Variants in CDH13 observed in about 807,000 individuals in gnomAD.
CDH13 encodes the protein cadherin-13.
CDH13 carries 24 observed loss-of-function variants against 63.8 expected under a neutral mutation model. The ratio of observed to expected loss-of-function variants is 0.38; its 90% CI spans 0.27 to 0.53. The LOEUF is 0.53. Among genes scored for constraint, CDH13 ranks in the 20% least tolerant of loss-of-function variants. CDH13 has a pLI of 0.85. For missense variants in CDH13, 1,049 were observed against 903.1 expected (o/e 1.16, Z -2.07); for synonymous variants, 503 against 355.3 (o/e 1.42, Z -4.67).
intron 1 of CDH13, chr16:82,637,892 C>A (rs1002886137): frequency 7.9e-5 from 12 of 152,186 alleles, no homozygotes; most frequent in African/African-American, 2.4e-4. Flanking sequence ...ATTTATTGAG[C>A]ATTTAGGGAA....
At chr16:82,992,998 A>C (rs571568678) in intron 2 of CDH13, among the ~76,000 whole-genome samples, 2 of 152,276 alleles carry the variant, frequency 1.3e-5, no homozygotes, top group East Asian at 1.9e-4. Flanking sequence ...GGCTGAAGCA[A>C]AGTCTTCCTT....
At chr16:83,162,450 C>G (rs574203964) in intron 4 of CDH13, among the ~76,000 whole-genome samples, 11 of 152,224 alleles carry the variant, frequency 7.2e-5, no homozygotes, top group Admixed American at 5.2e-4. Context: ...GTGGTTTACC[C>G]AAGAATACGT....
intron 4 of CDH13, among the ~76,000 whole-genome samples, chr16:83,166,511 T>C (rs543076699): frequency 2.1e-4 from 32 of 152,206 alleles, no homozygotes; most frequent in African/African-American, 7.2e-4. Context: ...CTCAGAAACA[T>C]ATGAACTTCA....
chr16:82,705,368 C>A (rs533548075), intron 1 of CDH13: 1 of 323,410 alleles, frequency 3.1e-6, no homozygotes, highest in Non-Finnish European at 6.0e-6. Context: ...GAATTCAATA[C>A]GCTAATACAG....
At chr16:83,700,049 C>T (rs1053982065) in intron 10 of CDH13, among the ~76,000 whole-genome samples, 2 of 152,222 alleles carry the variant, frequency 1.3e-5, no homozygotes, top group Non-Finnish European at 2.9e-5. Context: ...TCAGAAACGT[C>T]CTGGACTCCT....
intron 1 of CDH13, among the ~76,000 whole-genome samples, chr16:82,820,626 A>C (rs1402968750): frequency 1.3e-5 from 2 of 152,208 alleles, no homozygotes; most frequent in African/African-American, 4.8e-5. Context: ...TATCTGCTAC[A>C]TGACAGGTCT....
chr16:83,320,396 G>A (rs567120878), intron 5 of CDH13, among the ~76,000 whole-genome samples: 6 of 152,198 alleles, frequency 3.9e-5, no homozygotes, highest in Admixed American at 3.9e-4. Context: ...ATTGTCCCAA[G>A]ACCAATCTAG....
chr16:82,734,994 G>A (rs180771148), intron 1 of CDH13, among the ~76,000 whole-genome samples: 1 of 152,274 alleles, frequency 6.6e-6, no homozygotes, highest in African/African-American at 2.4e-5. Flanking sequence ...AGACTAATTA[G>A]GAGGCTACTC....
intron 4 of CDH13, among the ~76,000 whole-genome samples, chr16:83,126,482 G>A (rs2035817591): frequency 6.6e-6 from 1 of 152,170 alleles, no homozygotes; most frequent in Non-Finnish European, 1.5e-5. Flanking sequence ...GTTTCATTGG[G>A]AAGAGCTGTT....
chr16:82,916,988 C>G (rs888606790), intron 2 of CDH13, among the ~76,000 whole-genome samples: 2 of 152,188 alleles, frequency 1.3e-5, no homozygotes, highest in South Asian at 4.1e-4. Context: ...CGCATCCACA[C>G]TCACACAGCT....
intron 4 of CDH13, among the ~76,000 whole-genome samples, chr16:83,172,476 G>C (rs893467159): frequency 6.6e-6 from 1 of 151,840 alleles, no homozygotes; most frequent in Non-Finnish European, 1.5e-5. Context: ...AGGTGACAGA[G>C]AGACTCTGTC....
chr16:83,131,680 A>G (rs2036058804), intron 4 of CDH13, among the ~76,000 whole-genome samples: 1 of 152,192 alleles, frequency 6.6e-6, no homozygotes, highest in South Asian at 2.1e-4. Flanking sequence ...AGTTTGAAAG[A>G]CAAGTCATTT....
At position 83,491,834 on chromosome 16, in the gene CDH13, GTAACGCACTTTCTGAAACTTTA is replaced by G. The variant is rs200619932; in HGVS notation, c.960+5183_960+5204del. ...GTAATTTGTTTTGTATTTTCAGCTG[GTAACGCACTTTCTGAAACTTTA>G]TAATGCCCAAATTTTTAGGCCAGAT... On this transcript the variant is annotated intron_variant, in intron 7 of 13. Transcript: ENST00000567109. 4.3e-4 allele frequency among the ~76,000 whole-genome samples: 66 copies of G among 152,226 alleles called. No individual in the cohort carries two copies. The East Asian group carries it at 0.011, about 25-fold the overall frequency.
At chr16:82,851,454 A>G (rs2039482974) in intron 1 of CDH13, among the ~76,000 whole-genome samples, 1 of 151,204 alleles carries the variant, frequency 6.6e-6, no homozygotes, top group African/African-American at 2.4e-5. Flanking sequence ...ATAAAAAGAA[A>G]AAGAAAAAGA....
chr16:83,298,629 G>A (rs2089659501), intron 5 of CDH13, among the ~76,000 whole-genome samples: 1 of 152,148 alleles, frequency 6.6e-6, no homozygotes, highest in African/African-American at 2.4e-5. Flanking sequence ...AACAAGTATA[G>A]GCTAATTTGA....
intron 1 of CDH13, among the ~76,000 whole-genome samples, chr16:82,775,764 G>A (rs1446420228): frequency 1.3e-5 from 2 of 152,132 alleles, no homozygotes; most frequent in Non-Finnish European, 2.9e-5. Context: ...ACAGGGCCAG[G>A]CACAGTGTAC....
intron 1 of CDH13, among the ~76,000 whole-genome samples, chr16:82,718,000 CTGTTTTAGT>C (rs1469620232): frequency 6.6e-6 from 1 of 152,142 alleles, no homozygotes; most frequent in African/African-American, 2.4e-5. Flanking sequence ...TGCAGGGATG[CTGTTTTAGT>C]TGGGTTCCCA....
chr16:83,364,679 A>G (rs951479337), intron 6 of CDH13, among the ~76,000 whole-genome samples: 4 of 152,176 alleles, frequency 2.6e-5, no homozygotes, highest in Admixed American at 6.5e-5. Context: ...TGGGACTTTT[A>G]TGAATGTTTC....
intron 1 of CDH13, among the ~76,000 whole-genome samples, chr16:82,753,581 C>CA (rs897048930): frequency 1.6e-4 from 25 of 151,616 alleles, no homozygotes; most frequent in Non-Finnish European, 2.7e-4. Flanking sequence ...AATTCTCCAT[C>CA]AAAAAAAAAT....
Sources: gnomAD v4.1 joint callset for allele counts (sites outside exome capture counted in the v4.1 genomes callset) on GRCh38, gnomAD v4.1.1 for gene constraint, MANE v1.5 for transcripts, NCBI Gene and HGNC (gene_info 2026-07-23, HGNC 2026-07-21) for gene names.